CDH4: variants seen among roughly 807,000 people sequenced by gnomAD.
CDH4 encodes the protein cadherin 4, also known as cadherin-4.
Under a neutral mutation model 86.0 loss-of-function variants are expected in CDH4, and 33 were observed. The ratio of observed to expected loss-of-function variants is 0.38; its 90% CI spans 0.29 to 0.51. CDH4 has a LOEUF of 0.51. Among genes scored for constraint, CDH4 ranks in the 20% least tolerant of loss-of-function variants. The pLI is 0.86. For synonymous variants in CDH4, 555 were observed against 549.4 expected (o/e 1.01, Z -0.14); for missense variants, 1,114 against 1,307.4 (o/e 0.85, Z 2.28).
chr20:61,357,812 G>A (rs577799507), intron 2 of CDH4, among the ~76,000 whole-genome samples: 1 of 152,298 alleles, frequency 6.6e-6, no homozygotes, highest in Admixed American at 6.5e-5. Flanking sequence ...TGCCAGCCAG[G>A]ACCACATGCC....
intron 3 of CDH4, among the ~76,000 whole-genome samples, chr20:61,764,458 G>A (rs1248653849): frequency 6.6e-6 from 1 of 152,128 alleles, no homozygotes; most frequent in Non-Finnish European, 1.5e-5. Flanking sequence ...ATTTGAGATT[G>A]GTCCAGGAAG....
chr20:61,615,988 A>G (rs2086722004), intron 2 of CDH4, among the ~76,000 whole-genome samples: 1 of 152,170 alleles, frequency 6.6e-6, no homozygotes, highest in African/African-American at 2.4e-5. Context: ...AGGCCACGCG[A>G]TGGCCACGGG....
At chr20:61,514,638 G>C (rs1371545986) in intron 2 of CDH4, among the ~76,000 whole-genome samples, 1 of 152,182 alleles carries the variant, frequency 6.6e-6, no homozygotes, top group East Asian at 1.9e-4. Flanking sequence ...TCCCTGCCCT[G>C]TCTCATCACT....
At chr20:61,285,526 G>T (rs897497009) in intron 2 of CDH4, among the ~76,000 whole-genome samples, 7 of 152,216 alleles carry the variant, frequency 4.6e-5, no homozygotes, top group Non-Finnish European at 4.4e-5. Context: ...TGGCCTGTGC[G>T]GCCCCTCCGA....
chr20:61,338,804 T>C (rs1232575733), intron 2 of CDH4, among the ~76,000 whole-genome samples: 1 of 152,228 alleles, frequency 6.6e-6, no homozygotes, highest in African/African-American at 2.4e-5. Flanking sequence ...GATAATATTG[T>C]AAGGCTGAGA....
chr20:61,306,086 C>T (rs1461840598), intron 2 of CDH4, among the ~76,000 whole-genome samples: 2 of 152,196 alleles, frequency 1.3e-5, no homozygotes, highest in Admixed American at 1.3e-4. Flanking sequence ...TCCTGGCCAT[C>T]ACGCTCTTGA....
At chr20:61,658,445 G>C (rs1400708584) in intron 2 of CDH4, among the ~76,000 whole-genome samples, 1 of 152,218 alleles carries the variant, frequency 6.6e-6, no homozygotes, top group Non-Finnish European at 1.5e-5. Flanking sequence ...GCACCTCAGA[G>C]ACACTTCCTT....
At chr20:61,642,923 A>T (rs2087026303) in intron 2 of CDH4, among the ~76,000 whole-genome samples, 2 of 152,058 alleles carry the variant, frequency 1.3e-5, no homozygotes, top group South Asian at 2.1e-4. Context: ...CCTTTTAAGG[A>T]TCCTTGTGAT....
chr20:61,377,199 G>A lies in CDH4; in HGVS notation c.169+122262G>A, dbSNP rs1348070954. The stretch of plus-strand genomic sequence containing the variant: ...AGAGTTGGCGGCTCAATCTAAAACG[G>A]AGGAGCCTTGAAGTTTGCAGAAGTG... On this transcript the variant is annotated intron_variant, in intron 2 of 15. Transcript: ENST00000614565. This position sits in a 1 kb window ranked among gnomAD's most constrained non-coding sequence, Gnocchi z 4.0. Among the ~76,000 whole-genome samples the A allele has an allele frequency of 1.3e-5, 2 of 152,160 alleles. No individual in the cohort carries two copies. Among genetic ancestry groups the A allele is most frequent in the Middle Eastern group, 3.2e-3 (1 of 316 alleles).
intron 4 of CDH4, among the ~76,000 whole-genome samples, chr20:61,800,277 C>T (rs74826901): frequency 0.18 from 27,806 of 152,236 alleles, 2,848 homozygotes; most frequent in South Asian, 0.24. Context: ...TGCCCGGCCG[C>T]CAGGGGGGCA....
intron 7 of CDH4, among the ~76,000 whole-genome samples, chr20:61,878,043 C>G (rs1432232433): frequency 2.0e-5 from 3 of 152,162 alleles, no homozygotes; most frequent in Non-Finnish European, 4.4e-5. Context: ...GCGTGGTCAT[C>G]CCAGAGAGGA....
intron 2 of CDH4, among the ~76,000 whole-genome samples, chr20:61,369,512 T>G (rs1380888023): frequency 5.7e-5 from 8 of 139,210 alleles, no homozygotes; most frequent in Admixed American, 5.1e-4. Flanking sequence ...AGAATCTGGG[T>G]TGGGTCTGTA....
intron 2 of CDH4, among the ~76,000 whole-genome samples, chr20:61,731,811 C>G (rs995662461): frequency 6.6e-6 from 1 of 152,252 alleles, no homozygotes; most frequent in Non-Finnish European, 1.5e-5. Flanking sequence ...TGCGGCTGTT[C>G]CTCCACCCGA....
chr20:61,722,533 T>C (rs537577232), intron 2 of CDH4, among the ~76,000 whole-genome samples: 45 of 152,282 alleles, frequency 3.0e-4, no homozygotes, highest in African/African-American at 1.1e-3. Context: ...CCAGGCTGTG[T>C]CTAATCCCTT....
At chr20:61,858,095 CTG>C (rs564708271) in intron 6 of CDH4, among the ~76,000 whole-genome samples, 17 of 140,476 alleles carry the variant, frequency 1.2e-4, no homozygotes, top group African/African-American at 4.3e-4. Context: ...GTCTCTGTGT[CTG>C]TGTCTCTGTT....
At chr20:61,895,497 G>A (rs1048965680) in intron 8 of CDH4, among the ~76,000 whole-genome samples, 5 of 152,192 alleles carry the variant, frequency 3.3e-5, no homozygotes, top group Non-Finnish European at 5.9e-5. Context: ...GCCCCATACC[G>A]GCTGCCTGGG....
At chr20:61,378,351 A>G (rs1186796851) in intron 2 of CDH4, among the ~76,000 whole-genome samples, 1 of 152,226 alleles carries the variant, frequency 6.6e-6, no homozygotes, top group East Asian at 1.9e-4. Context: ...GTCACCAATT[A>G]GCACAAGGTG....
intron 4 of CDH4, among the ~76,000 whole-genome samples, chr20:61,795,653 T>C (rs1979495996): frequency 6.6e-6 from 1 of 152,132 alleles, no homozygotes; most frequent in Non-Finnish European, 1.5e-5. Context: ...GGGAGGCCAG[T>C]AGGCCACTGG....
chr20:61,661,084 C>CGGGGGGGT (rs1555821280), intron 2 of CDH4, among the ~76,000 whole-genome samples: 23 of 74,860 alleles, frequency 3.1e-4, no homozygotes, highest in African/African-American at 9.5e-4. Flanking sequence ...GGAGGCATGG[C>CGGGGGGGT]GGGGGGGGGG....
Sources: gnomAD v4.1 joint callset for allele counts (sites outside exome capture counted in the v4.1 genomes callset) on GRCh38, gnomAD v4.1.1 for gene constraint, Gnocchi (gnomAD v3.1) non-coding constraint, MANE v1.5 for transcripts, NCBI Gene and HGNC (gene_info 2026-07-23, HGNC 2026-07-21) for gene names.